The following COLEC10 variants were observed in gnomAD, a reference collection of about 807,000 sequenced individuals.
COLEC10 encodes collectin-10.
Under a neutral mutation model 28.4 loss-of-function variants are expected in COLEC10, and 22 were observed. That is an observed-to-expected ratio of 0.78 (90% confidence interval 0.55 to 1.11). The LOEUF (loss-of-function observed/expected upper bound fraction) is 1.11. Among genes scored for constraint, COLEC10 ranks in the 50% least tolerant of loss-of-function variants. The pLI is 0.00. For missense variants in COLEC10, 361 were observed against 344.1 expected (o/e 1.05, Z -0.39); for synonymous variants, 125 against 116.1 (o/e 1.08, Z -0.49).
chr8:118,969,821 C>G, the COLEC10 span, among the ~76,000 whole-genome samples: 13 of 151,694 alleles, frequency 8.6e-5, no homozygotes, highest in Non-Finnish European at 1.6e-4. Flanking sequence ...TAATGGTGTC[C>G]TCTGATCACT....
chr8:118,977,512 A>G, the COLEC10 span, among the ~76,000 whole-genome samples: 1 of 144,772 alleles, frequency 6.9e-6, no homozygotes, highest in African/African-American at 2.6e-5. Context: ...AAAAAACCAA[A>G]CACCGCATAT....
At chr8:119,003,893 C>T (rs922616983) in intron 1 of COLEC10, among the ~76,000 whole-genome samples, 1 of 152,036 alleles carries the variant, frequency 6.6e-6, no homozygotes, top group South Asian at 2.1e-4. Flanking sequence ...CCCAACTATA[C>T]TAAATTGCCT....
chr8:119,056,305 C>G (rs1026210960), intron 2 of COLEC10, among the ~76,000 whole-genome samples: 1 of 152,038 alleles, frequency 6.6e-6, no homozygotes, highest in African/African-American at 2.4e-5. Flanking sequence ...AATGTTTAAT[C>G]TCTTAGTTTC....
At chr8:119,105,538 T>C (rs1455270604) in intron 5 of COLEC10, among the ~76,000 whole-genome samples, 2 of 152,142 alleles carry the variant, frequency 1.3e-5, no homozygotes, top group Non-Finnish European at 2.9e-5. Context: ...AAAGTTCATG[T>C]AACATGTCTT....
upstream of COLEC10, among the ~76,000 whole-genome samples, chr8:118,991,691 T>A (rs1033187291): frequency 1.3e-5 from 2 of 152,196 alleles, no homozygotes; most frequent in Admixed American, 1.3e-4. Context: ...TATCTTCTAC[T>A]TCTGGATTTT....
At chr8:119,089,863 G>A (rs2130278601) in intron 2 of COLEC10, 112 bp downstream of exon 2, 1 of 766,762 alleles carries the variant, frequency 1.3e-6, no homozygotes, top group Non-Finnish European at 2.2e-6. Context: ...CCCCAACAAT[G>A]CCTGAAATAT....
chr8:119,103,951 C>A, intron 5 of COLEC10, 56 bp downstream of exon 5: 1 of 1,112,672 alleles, frequency 9.0e-7, no homozygotes, highest in Non-Finnish European at 1.4e-6. Flanking sequence ...ATCAACACTA[C>A]AATTCCAGTA....
At chr8:119,022,840 A>T (rs1814122915) in intron 2 of COLEC10, among the ~76,000 whole-genome samples, 1 of 152,102 alleles carries the variant, frequency 6.6e-6, no homozygotes, top group Admixed American at 6.6e-5. Context: ...CTGAAAGTAA[A>T]TGCCAAGATC....
chr8:119,019,718 T>C (rs1814059228), intron 2 of COLEC10, among the ~76,000 whole-genome samples: 1 of 152,156 alleles, frequency 6.6e-6, no homozygotes, highest in Admixed American at 6.5e-5. Flanking sequence ...TTTTAATGCA[T>C]GCCCTTCTCA....
At chr8:119,035,862 T>C (rs1215488935) in intron 2 of COLEC10, among the ~76,000 whole-genome samples, 3 of 152,232 alleles carry the variant, frequency 2.0e-5, no homozygotes, top group Non-Finnish European at 4.4e-5. Context: ...GATTTTCATG[T>C]GAAATAAGTG....
At chr8:118,964,945 G>T in the COLEC10 span, among the ~76,000 whole-genome samples, 1 of 152,282 alleles carries the variant, frequency 6.6e-6, no homozygotes, top group East Asian at 1.9e-4. Flanking sequence ...GGAATTGAAA[G>T]CAAAGGGTCA....
the COLEC10 span, among the ~76,000 whole-genome samples, chr8:118,987,160 A>C: frequency 6.6e-6 from 1 of 152,166 alleles, no homozygotes; most frequent in Non-Finnish European, 1.5e-5. Context: ...CAAAAAAAAC[A>C]AACCCACACC....
chr8:119,052,188 A>G (rs1336972793), intron 2 of COLEC10, among the ~76,000 whole-genome samples: 1 of 152,214 alleles, frequency 6.6e-6, no homozygotes, highest in Admixed American at 6.5e-5. Flanking sequence ...TGGTGATTGT[A>G]AAGCATTTTA....
At chr8:119,087,305 C>T (rs369737821) in intron 1 of COLEC10, among the ~76,000 whole-genome samples, 5 of 152,098 alleles carry the variant, frequency 3.3e-5, no homozygotes, top group East Asian at 3.9e-4. Flanking sequence ...GGAAATACAC[C>T]GACACATTTG....
At chr8:118,986,184 A>G in the COLEC10 span, among the ~76,000 whole-genome samples, 3 of 152,316 alleles carry the variant, frequency 2.0e-5, no homozygotes, top group African/African-American at 7.2e-5. Flanking sequence ...ACTAGAAATG[A>G]CAAATTAAGA....
chr8:119,019,157 A>C (rs976883672), intron 2 of COLEC10, among the ~76,000 whole-genome samples: 11 of 152,212 alleles, frequency 7.2e-5, no homozygotes, highest in African/African-American at 2.4e-4. Flanking sequence ...TGTCATAAAC[A>C]GATGGTATAA....
At chr8:119,052,524 T>G (rs1194756260) in intron 2 of COLEC10, among the ~76,000 whole-genome samples, 1 of 152,186 alleles carries the variant, frequency 6.6e-6, no homozygotes, top group Non-Finnish European at 1.5e-5. Flanking sequence ...TGAATTCAAT[T>G]TCCAGTTGTG....
At chr8:119,053,940 C>A (rs1186764437) in intron 2 of COLEC10, among the ~76,000 whole-genome samples, 1 of 151,940 alleles carries the variant, frequency 6.6e-6, no homozygotes, top group African/African-American at 2.4e-5. Context: ...ATAAATTAGG[C>A]ACAGTAAGAG....
intron 1 of COLEC10, chr8:119,068,163 A>C (rs1433768823): frequency 6.6e-6 from 1 of 152,196 alleles, no homozygotes; most frequent in Non-Finnish European, 1.5e-5. Flanking sequence ...CTCCCTTATT[A>C]GTAATTCATG....
Sources: gnomAD v4.1 joint callset for allele counts (sites outside exome capture counted in the v4.1 genomes callset) on GRCh38, gnomAD v4.1.1 for gene constraint, MANE v1.5 for transcripts, NCBI Gene and HGNC (gene_info 2026-07-23, HGNC 2026-07-21) for gene names.